Variants in NTNG2 observed in about 807,000 individuals in gnomAD.
The protein encoded by NTNG2 is netrin G2, also known as netrin-G2.
In NTNG2, 15 loss-of-function variants were observed where a neutral mutation model predicts 47.6. That is an observed-to-expected ratio of 0.32 (90% confidence interval 0.21 to 0.49). NTNG2 has a LOEUF of 0.49. NTNG2 is among the 20% of genes least tolerant of loss of function. NTNG2 has a pLI of 0.99. For missense variants in NTNG2, 578 were observed against 764.6 expected (o/e 0.76, Z 2.88); for synonymous variants, 307 against 324.6 (o/e 0.95, Z 0.58).
chr9:132,213,476 C>T (rs528059088), intron 3 of NTNG2, among the ~76,000 whole-genome samples: 2 of 152,312 alleles, frequency 1.3e-5, no homozygotes, highest in East Asian at 3.9e-4. Context: ...GCCATGTAAG[C>T]CCGCAGCCCC....
At position 132,218,989 on chromosome 9, in the gene NTNG2, G is replaced by T. The variant is rs141223633; in HGVS notation, c.858-7860G>T. Among the ~76,000 whole-genome samples the T allele has an allele frequency of 6.6e-6, 1 of 152,102 alleles. No individual in the cohort carries two copies. The highest frequency in any genetic ancestry group is 1.5e-5 in the Non-Finnish European group (1 of 68,026). ...CACATGTAAAGCGTACAATTCAGTC[G>T]CTTTTAGGTTATTCACAGAGTTGTG... On this transcript the variant is annotated intron_variant, in intron 3 of 7. Transcript: ENST00000393229. This position sits in a 1 kb window ranked among gnomAD's most constrained non-coding sequence, Gnocchi z 5.4.
Position 132,242,162 on chromosome 9 carries a change from C to T in NTNG2, c.*51C>T. On this transcript the variant is annotated 3_prime_UTR_variant, in exon 8 of 8. Transcript: ENST00000393229. This position sits in a 1 kb window ranked among gnomAD's most constrained non-coding sequence, Gnocchi z 5.9. ...ACCCGGAGGCCGGGGGTCCCGGGGT[C>T]CCGGGGCGGGGCCGGCGTCCGAGGC... is the stretch of plus-strand genomic sequence containing the variant. 1 of 954,036 alleles carries T rather than the reference C, an allele frequency of 1.0e-6. No homozygotes were observed. The highest frequency in any genetic ancestry group is 1.3e-6 in the Non-Finnish European group (1 of 778,626). 59.1% of individuals were successfully genotyped at this position (954,036 alleles called of 1,614,324 possible). A position where few individuals can be genotyped will look rare whatever the true frequency, so the allele number is the denominator to read the frequency against.
intron 2 of NTNG2, among the ~76,000 whole-genome samples, chr9:132,193,597 C>T (rs1188161361): frequency 2.0e-5 from 3 of 152,114 alleles, no homozygotes; most frequent in Non-Finnish European, 4.4e-5. Flanking sequence ...TTGGTGCCAG[C>T]GTACTGAGAA....
chr9:132,178,999 TCCC>T (rs10594329), intron 2 of NTNG2, among the ~76,000 whole-genome samples: 36,031 of 143,622 alleles, frequency 0.25, 4,695 homozygotes, highest in African/African-American at 0.34. Context: ...ATGAGGCACA[TCCC>T]CCCCTCTCAT....
At chr9:132,213,674 C>T (rs1376672925) in intron 3 of NTNG2, among the ~76,000 whole-genome samples, 4 of 144,228 alleles carry the variant, frequency 2.8e-5, no homozygotes, top group African/African-American at 1.1e-4. Context: ...TTGCCCATAA[C>T]CCAGAGGCTC....
At position 132,182,071 on chromosome 9, in the gene NTNG2, G is replaced by A. The variant is rs1836989237; in HGVS notation, c.213+15027G>A. Among the ~76,000 whole-genome samples the A allele has an allele frequency of 6.6e-6, 1 of 152,252 alleles. No individual in the cohort carries two copies. Among genetic ancestry groups the A allele is most frequent in the African/African-American group, 2.4e-5 (1 of 41,474 alleles). ...AGCCCAGAGAAGGGAGGGCCCGGAG[G>A]AGTGACGGTGTTCCCCACCCCCTGC... On this transcript the variant is annotated intron_variant, in intron 2 of 7. Coordinates refer to ENST00000393229, the MANE Select transcript of NTNG2 (RefSeq NM_032536.4). The surrounding 1 kb of genome is among the most constrained non-coding windows in gnomAD (Gnocchi z 4.2).
At chr9:132,171,103 C>CG (rs1405767182) in intron 2 of NTNG2, among the ~76,000 whole-genome samples, 2 of 152,078 alleles carry the variant, frequency 1.3e-5, no homozygotes, top group South Asian at 2.1e-4. Flanking sequence ...CTTGCCAAGG[C>CG]GGGGGGTCTG....
rs2130723479 is a variant in NTNG2 at position 132,197,834 on chromosome 9, C to T, written c.214-132C>T. On this transcript the variant is annotated intron_variant, in intron 2 of 7. Transcript: ENST00000393229. This position sits in a 1 kb window ranked among gnomAD's most constrained non-coding sequence, Gnocchi z 4.3. Reference sequence around the variant, plus strand: ...CACAAATCTCCCAGCTGTGTCTGGGCACCGGAGCACAGGCCCTGTAGCCAC... The same window carrying T: ...CACAAATCTCCCAGCTGTGTCTGGGTACCGGAGCACAGGCCCTGTAGCCAC... 5.0e-6 allele frequency: 4 copies of T among 793,336 alleles called. No individual in the cohort carries two copies. The highest frequency in any genetic ancestry group is 7.8e-6 in the Non-Finnish European group (4 of 510,014). 49.1% of individuals were successfully genotyped at this position (793,336 alleles called of 1,614,324 possible). A position where few individuals can be genotyped will look rare whatever the true frequency, so the allele number is the denominator to read the frequency against.
At chr9:132,233,850 G>A (rs1322375504) in intron 5 of NTNG2, 1 of 152,102 alleles carries the variant, frequency 6.6e-6, no homozygotes, top group African/African-American at 2.4e-5. Context: ...GAAGCAGCTG[G>A]ATTTTATGAT....
chr9:132,175,912 C>T (rs1257227061), intron 2 of NTNG2, among the ~76,000 whole-genome samples: 1 of 152,156 alleles, frequency 6.6e-6, no homozygotes, highest in African/African-American at 2.4e-5. Context: ...AGAGACAAAA[C>T]CACACAAAAC....
intron 5 of NTNG2, among the ~76,000 whole-genome samples, chr9:132,237,529 G>A (rs960359625): frequency 1.9e-4 from 29 of 152,206 alleles, no homozygotes; most frequent in African/African-American, 6.8e-4. Context: ...CAAGGTAAGA[G>A]GATGGACCTG....
At chr9:132,214,309 C>G (rs1839818411) in intron 3 of NTNG2, among the ~76,000 whole-genome samples, 1 of 152,224 alleles carries the variant, frequency 6.6e-6, no homozygotes, top group Non-Finnish European at 1.5e-5. Context: ...AGGCCCGGGT[C>G]CAGATGGTGC....
intron 2 of NTNG2, among the ~76,000 whole-genome samples, chr9:132,173,692 AGACG>A (rs1836113169): frequency 1.3e-5 from 2 of 149,666 alleles, no homozygotes; most frequent in African/African-American, 2.5e-5. Context: ...GCTGCGGATG[AGACG>A]GATGGATGGA....
intron 3 of NTNG2, among the ~76,000 whole-genome samples, chr9:132,207,803 G>A (rs1839285181): frequency 6.6e-6 from 1 of 152,182 alleles, no homozygotes; most frequent in African/African-American, 2.4e-5. Flanking sequence ...GGTGCACGGT[G>A]AGAAAGAAAC....
At position 132,231,209 on chromosome 9, in the gene NTNG2, G is replaced by A. The variant is rs1204663489; in HGVS notation, c.1054+614G>A. The A allele has an allele frequency of 1.6e-5, 7 of 424,644 alleles. No individual in the cohort carries two copies. The highest frequency in any genetic ancestry group is 2.6e-5 in the Admixed American group (1 of 38,812). 26.3% of individuals were successfully genotyped at this position (424,644 alleles called of 1,614,324 possible). ...GAGAGTTCCCCAGGAGGGCGAGGGC[G>A]ACATGGCGCCCACAGGTTATCAGTA... is the stretch of plus-strand genomic sequence containing the variant. On this transcript the variant is annotated intron_variant, in intron 5 of 7. Coordinates refer to ENST00000393229, the MANE Select transcript of NTNG2 (RefSeq NM_032536.4). This position sits in a 1 kb window ranked among gnomAD's most constrained non-coding sequence, Gnocchi z 4.1.
chr9:132,190,182 G>A (rs1264907035), intron 2 of NTNG2, among the ~76,000 whole-genome samples: 10 of 137,702 alleles, frequency 7.3e-5, no homozygotes, highest in African/African-American at 2.5e-4. Context: ...GCAGTGACCC[G>A]AGATAGCGCC....
intron 2 of NTNG2, among the ~76,000 whole-genome samples, chr9:132,190,866 TC>T (rs1339284478): frequency 6.6e-6 from 1 of 152,138 alleles, no homozygotes. Context: ...CTGGCTGCCT[TC>T]CCTTCCCTCT....
intron 3 of NTNG2, among the ~76,000 whole-genome samples, chr9:132,210,911 C>T (rs1337524902): frequency 6.6e-6 from 1 of 152,112 alleles, no homozygotes; most frequent in Non-Finnish European, 1.5e-5. Flanking sequence ...CACACACACA[C>T]GCAGCCATTC....
In NTNG2 at chr9:132,198,400, G is replaced by C; in HGVS notation, c.648G>C (p.Arg216=). 6.2e-7 allele frequency: 1 copy of C among 1,613,038 alleles called. No individual in the cohort carries two copies. Among genetic ancestry groups the C allele is most frequent in the Non-Finnish European group, 8.5e-7 (1 of 1,179,966 alleles). ...KKEKHVRFEV[R]DRFAIFAGPD... ...AGAAGCACGTGCGCTTCGAGGTGCG[G>C]GACCGCTTCGCCATCTTTGCCGGCC... The change falls in exon 3 of 8, where the codon CGG becomes CGC. Residue 216 remains arginine, a synonymous_variant. Coordinates refer to ENST00000393229, the MANE Select transcript of NTNG2 (RefSeq NM_032536.4).
Sources: gnomAD v4.1 joint callset for allele counts (sites outside exome capture counted in the v4.1 genomes callset) on GRCh38, gnomAD v4.1.1 for gene constraint, Gnocchi (gnomAD v3.1) non-coding constraint, MANE v1.5 for transcripts, NCBI Gene and HGNC (gene_info 2026-07-23, HGNC 2026-07-21) for gene names.